FIRRM: variants seen among roughly 807,000 people sequenced by gnomAD.
FIRRM encodes the protein FIGNL1 interacting regulator of recombination and mitosis.
chr1:169,830,222 A>G, the FIRRM span: 3 of 1,493,146 alleles, frequency 2.0e-6, no homozygotes, highest in East Asian at 2.3e-5. Flanking sequence ...TGTGAACTTT[A>G]GTATTTAAAT....
chr1:169,830,444 C>T, the FIRRM span: 5 of 1,088,200 alleles, frequency 4.6e-6, no homozygotes, highest in Admixed American at 1.1e-4. Flanking sequence ...TTTCAATAAT[C>T]CTTTAAAAAT....
chr1:169,826,484 T>C, the FIRRM span, among the ~76,000 whole-genome samples: 1 of 151,210 alleles, frequency 6.6e-6, no homozygotes, highest in Non-Finnish European at 1.5e-5. Context: ...TGCCTCAGCC[T>C]CCCGAGTAGC....
chr1:169,793,643 G>A, the FIRRM span: 2 of 1,613,040 alleles, frequency 1.2e-6, no homozygotes, highest in East Asian at 2.2e-5. Context: ...TCTAATGGGT[G>A]TTAATTCATT....
chr1:169,840,146 T>C, the FIRRM span, among the ~76,000 whole-genome samples: 1 of 152,178 alleles, frequency 6.6e-6, no homozygotes, highest in Non-Finnish European at 1.5e-5. Context: ...TAGTTTCAAG[T>C]CAAGTCACGT....
the FIRRM span, chr1:169,795,793 C>CT: frequency 1.2e-3 from 1,185 of 980,056 alleles, 1 homozygote; most frequent in South Asian, 1.8e-3. Context: ...TTCTTTCTTT[C>CT]TTTTTTTTTG....
chr1:169,824,016 A>G, the FIRRM span, among the ~76,000 whole-genome samples: 1 of 152,190 alleles, frequency 6.6e-6, no homozygotes, highest in Non-Finnish European at 1.5e-5. Context: ...GAGTTCATTT[A>G]TCCAGCAGTC....
chr1:169,801,505 C>T, the FIRRM span, among the ~76,000 whole-genome samples: 1 of 134,302 alleles, frequency 7.4e-6, no homozygotes, highest in East Asian at 2.3e-4. Context: ...CCTTTACTAA[C>T]TGAATTTAAA....
chr1:169,838,538 A>G, the FIRRM span, among the ~76,000 whole-genome samples: 590 of 151,952 alleles, frequency 3.9e-3, 3 homozygotes, highest in Admixed American at 4.3e-3. Flanking sequence ...TGCCCAGGCT[A>G]GAGTGCAGTG....
At chr1:169,852,765 G>C in the FIRRM span, 1 of 1,609,488 alleles carries the variant, frequency 6.2e-7, no homozygotes, top group South Asian at 1.1e-5. Flanking sequence ...TGGATATTGT[G>C]ATATTACTTA....
the FIRRM span, chr1:169,851,874 G>C: frequency 6.2e-7 from 1 of 1,614,014 alleles, no homozygotes; most frequent in South Asian, 1.1e-5. Context: ...ACAGGAAAAA[G>C]GTATTTTCTG....
chr1:169,853,676 G>A, the FIRRM span: 1 of 1,602,776 alleles, frequency 6.2e-7, no homozygotes, highest in Non-Finnish European at 8.5e-7. Context: ...TTAAAAAAAG[G>A]GAATCCTTTT....
chr1:169,827,230 C>A, the FIRRM span: 1 of 1,584,258 alleles, frequency 6.3e-7, no homozygotes. Context: ...AATGATAAAT[C>A]ATCTATTATG....
the FIRRM span, among the ~76,000 whole-genome samples, chr1:169,817,091 CAAAG>C: frequency 2.0e-5 from 3 of 151,314 alleles, no homozygotes; most frequent in East Asian, 5.8e-4. Context: ...AAAAATAAAA[CAAAG>C]AATCAGCAAC....
At chr1:169,848,656 A>G in the FIRRM span, among the ~76,000 whole-genome samples, 1 of 152,212 alleles carries the variant, frequency 6.6e-6, no homozygotes, top group Non-Finnish European at 1.5e-5. Flanking sequence ...ACAGCTTTTC[A>G]GCTCTCTTGA....
the FIRRM span, among the ~76,000 whole-genome samples, chr1:169,839,858 G>A: frequency 6.6e-6 from 1 of 152,128 alleles, no homozygotes; most frequent in African/African-American, 2.4e-5. Flanking sequence ...ATAGTTTGAG[G>A]TCTTATATTT....
the FIRRM span, among the ~76,000 whole-genome samples, chr1:169,822,852 C>T: frequency 1.3e-5 from 2 of 152,188 alleles, no homozygotes; most frequent in African/African-American, 2.4e-5. Flanking sequence ...CTCTCAAATA[C>T]GCAGCCCTCT....
At chr1:169,815,295 C>CAAA in the FIRRM span, among the ~76,000 whole-genome samples, 8 of 110,538 alleles carry the variant, frequency 7.2e-5, 1 homozygote. Flanking sequence ...GACTCTGTCT[C>CAAA]AAAAAAAAAA....
the FIRRM span, chr1:169,849,636 T>C: frequency 6.8e-7 from 1 of 1,474,484 alleles, no homozygotes; most frequent in Non-Finnish European, 9.5e-7. Context: ...CACAGTGACT[T>C]TCAAACCATT....
chr1:169,800,850 A>C, the FIRRM span: 2 of 1,130,628 alleles, frequency 1.8e-6, no homozygotes, highest in Non-Finnish European at 2.6e-6. Context: ...TGACATGACA[A>C]TATTTTTATA....
Sources: gnomAD v4.1 joint callset for allele counts (sites outside exome capture counted in the v4.1 genomes callset) on GRCh38, gnomAD v4.1.1 for gene constraint, MANE v1.5 for transcripts, NCBI Gene and HGNC (gene_info 2026-07-23, HGNC 2026-07-21) for gene names.